The following MALL variants were observed in gnomAD, a reference collection of about 807,000 sequenced individuals.
MALL encodes mal, T cell differentiation protein like, also known as MAL-like protein.
In MALL, 2 loss-of-function variants were observed where a neutral mutation model predicts 10.3. That is an observed-to-expected ratio of 0.19 (90% CI 0.08 to 0.61). MALL has a LOEUF of 0.61. MALL is among the 20% of genes least tolerant of loss of function. MALL has a pLI of 0.88. For synonymous variants in MALL, 27 were observed against 51.8 expected (o/e 0.52, Z 2.05); for missense variants, 39 against 115.2 (o/e 0.34, Z 3.03).
intron 1 of MALL, among the ~76,000 whole-genome samples, chr2:110,100,101 T>TC (rs1405211245): frequency 6.6e-6 from 1 of 151,708 alleles, no homozygotes; most frequent in African/African-American, 2.4e-5. Context: ...CTCCACCACT[T>TC]CCCCCAGTCC....
rs531593289 is a variant in MALL, at chr2:110,115,742, G to T, written c.51C>A (p.Pro17=). Residue 17 remains proline, a synonymous_variant, in exon 1 of 4, where the codon CCC becomes CCA. Coordinates refer to ENST00000272462, the MANE Select transcript of MALL (RefSeq NM_005434.5). Reference sequence around the variant, plus strand: ...TGGTGAGGAACAGCGCGACCCCCGAGGGCACGTCGGACGGGGCGTAGCTGG... The same window carrying T: ...TGGTGAGGAACAGCGCGACCCCCGATGGCACGTCGGACGGGGCGTAGCTGG... ...PATSYAPSDV[P]SGVALFLTIP... is the part of the protein sequence containing the mutation. 115 of 1,292,372 alleles carry T rather than the reference G, an allele frequency of 8.9e-5. No homozygotes were observed. In the South Asian group the frequency reaches 2.6e-3, roughly 29 times the overall value. The allele number at this position is 1,292,372 out of a possible 1,614,324, so 80.1% of individuals were successfully genotyped here.
At chr2:110,095,934 A>C (rs572481894) in intron 1 of MALL, among the ~76,000 whole-genome samples, 1 of 152,332 alleles carries the variant, frequency 6.6e-6, no homozygotes, top group African/African-American at 2.4e-5. Flanking sequence ...GGAATGCATC[A>C]ACTAAGGTAA....
intron 1 of MALL, among the ~76,000 whole-genome samples, chr2:110,112,183 C>T (rs573389241): frequency 1.3e-5 from 2 of 152,270 alleles, no homozygotes; most frequent in Admixed American, 1.3e-4. Flanking sequence ...GCAAGGATTT[C>T]ATGACCAAGA....
At chr2:110,099,418 A>G (rs1161542248) in intron 1 of MALL, among the ~76,000 whole-genome samples, 2 of 152,200 alleles carry the variant, frequency 1.3e-5, no homozygotes, top group Non-Finnish European at 2.9e-5. Flanking sequence ...TCCAGGAGTT[A>G]TGAGGGTCCA....
At chr2:110,113,793 G>C (rs1300019469) in intron 1 of MALL, among the ~76,000 whole-genome samples, 1 of 152,136 alleles carries the variant, frequency 6.6e-6, no homozygotes, top group African/African-American at 2.4e-5. Flanking sequence ...CACAGTATCA[G>C]TGTTAGTTTC....
intron 1 of MALL, among the ~76,000 whole-genome samples, chr2:110,097,057 A>T (rs1678456626): frequency 6.6e-6 from 1 of 150,560 alleles, no homozygotes; most frequent in South Asian, 2.1e-4. Context: ...TATGTCTGCA[A>T]AGTGAAACAC....
rs141954587 is a variant in MALL at position 110,111,973 on chromosome 2, A to G, written c.105+3715T>C. Among the ~76,000 whole-genome samples the G allele has an allele frequency of 2.5e-4, 38 of 152,216 alleles. No homozygotes were observed. The East Asian group carries it at 7.1e-3, about 29-fold the overall frequency. On this transcript the variant is annotated intron_variant, in intron 1 of 3. Transcript: ENST00000272462. The stretch of plus-strand genomic sequence containing the variant: ...TCTTTGACAAAGCAAACAAAAACAT[A>G]ATGTGGGGAAAGGACATCCTTTTGA...
intron 1 of MALL, among the ~76,000 whole-genome samples, chr2:110,092,524 GT>G (rs1359258433): frequency 1.2e-4 from 7 of 56,678 alleles, no homozygotes; most frequent in African/African-American, 3.1e-4. Context: ...ATATTTTCTG[GT>G]TTCCTTTGAT....
chr2:110,104,845 T>C (rs1004384928), intron 1 of MALL, among the ~76,000 whole-genome samples: 7 of 152,218 alleles, frequency 4.6e-5, no homozygotes, highest in Non-Finnish European at 8.8e-5. Flanking sequence ...TGTCTTATTT[T>C]TGTATGCCCC....
chr2:110,117,254 C>A (rs1056199122), upstream of MALL, among the ~76,000 whole-genome samples: 2 of 152,144 alleles, frequency 1.3e-5, no homozygotes, highest in Admixed American at 1.3e-4. Flanking sequence ...ATCTTGCCAC[C>A]TCTCTTAAAG....
At chr2:110,105,848 C>T (rs952671848) in intron 1 of MALL, among the ~76,000 whole-genome samples, 12 of 152,128 alleles carry the variant, frequency 7.9e-5, no homozygotes, top group African/African-American at 2.9e-4. Context: ...AGGGGGCTCC[C>T]GGGAAGCCCC....
intron 1 of MALL, among the ~76,000 whole-genome samples, chr2:110,101,442 G>A (rs1460352770): frequency 1.3e-5 from 2 of 152,180 alleles, no homozygotes; most frequent in African/African-American, 4.8e-5. Context: ...GGCCTCCAGT[G>A]AGGGCCAGGT....
At chr2:110,112,729 C>G (rs1198009775) in intron 1 of MALL, among the ~76,000 whole-genome samples, 1 of 152,010 alleles carries the variant, frequency 6.6e-6, no homozygotes, top group African/African-American at 2.4e-5. Context: ...AATCACACTA[C>G]TCAGTATCAA....
intron 1 of MALL, among the ~76,000 whole-genome samples, chr2:110,102,078 G>T (rs1173085882): frequency 1.3e-5 from 2 of 152,070 alleles, no homozygotes; most frequent in East Asian, 1.9e-4. Context: ...TTCCCCAAAA[G>T]AAGTTGCCTG....
rs1678903258 is a variant in MALL, at chr2:110,115,725, A to G, written c.68T>C (p.Phe23Ser). Residue 23 changes from phenylalanine (F) to serine (S), a missense_variant, in exon 1 of 4, where the codon TTC (phenylalanine) becomes TCC (serine). Around this residue, in one of 2 missense-constraint regions of MALL, gnomAD observed 39 missense variants for 48.0 expected, o/e 0.81. Coordinates refer to ENST00000272462, the MANE Select transcript of MALL (RefSeq NM_005434.5). ...GAAGAAGGCGAAAGGGATGGTGAGG[A>G]ACAGCGCGACCCCCGAGGGCACGTC... ...PSDVPSGVALFLTIPFAFFLP... is the reference protein window; with the variant it reads ...PSDVPSGVALSLTIPFAFFLP... The G allele has an allele frequency of 1.5e-6, 2 of 1,292,430 alleles. No individual in the cohort carries two copies. The highest frequency in any genetic ancestry group is 2.0e-6 in the Non-Finnish European group (2 of 1,012,864). The allele number at this position is 1,292,430 out of a possible 1,614,324, so 80.1% of individuals were successfully genotyped here.
chr2:110,095,810 A>T (rs962689458), intron 1 of MALL, among the ~76,000 whole-genome samples: 1 of 152,120 alleles, frequency 6.6e-6, no homozygotes, highest in African/African-American at 2.4e-5. Context: ...GGATGTTACC[A>T]CACCAGATAG....
At chr2:110,106,242 G>C (rs1400737190) in intron 1 of MALL, among the ~76,000 whole-genome samples, 3 of 152,004 alleles carry the variant, frequency 2.0e-5, no homozygotes, top group Non-Finnish European at 4.4e-5. Flanking sequence ...AGTCACCCTG[G>C]GTGAGCTTGC....
intron 1 of MALL, among the ~76,000 whole-genome samples, chr2:110,114,908 T>C (rs1266982149): frequency 6.6e-6 from 1 of 152,024 alleles, no homozygotes; most frequent in African/African-American, 2.4e-5. Flanking sequence ...GAAGAGGATG[T>C]GGTACCAGCC....
chr2:110,117,520 C>T (rs147452832), upstream of MALL, among the ~76,000 whole-genome samples: 726 of 150,812 alleles, frequency 4.8e-3, 11 homozygotes, highest in African/African-American at 0.017. Flanking sequence ...GGCTAAAGAC[C>T]AGGGTTTTCA....
Sources: allele counts gnomAD v4.1 joint callset (sites outside exome capture counted in the v4.1 genomes callset), GRCh38; gene constraint gnomAD v4.1.1; regional missense constraint gnomAD v4.1.1; transcripts MANE v1.5; gene names NCBI Gene and HGNC (gene_info 2026-07-23, HGNC 2026-07-21).